Variants in UBE2U observed in about 807,000 individuals in gnomAD.
UBE2U encodes the protein ubiquitin-conjugating enzyme E2 U.
Under a neutral mutation model 41.2 loss-of-function variants are expected in UBE2U, and 39 were observed. The observed-to-expected ratio is 0.95, with a 90% CI of 0.73 to 1.24. UBE2U has a LOEUF of 1.24. Ranked by LOEUF, UBE2U falls within the 50% of genes most tolerant of loss-of-function variation. The pLI is 0.00. For synonymous variants in UBE2U, 107 were observed against 117.8 expected, an observed-to-expected ratio of 0.91 and a Z score of 0.60; for missense variants, 336 against 363.1, an observed-to-expected ratio of 0.93 and a Z score of 0.61.
chr1:64,221,460 C>G (rs1371534774), intron 6 of UBE2U, among the ~76,000 whole-genome samples: 2 of 152,016 alleles, frequency 1.3e-5, no homozygotes, highest in Non-Finnish European at 2.9e-5. Flanking sequence ...GTATTGTCAA[C>G]AAAATCAGCA....
chr1:64,264,367 T>A (rs574467599), intron 9 of UBE2U, among the ~76,000 whole-genome samples: 13 of 152,256 alleles, frequency 8.5e-5, no homozygotes, highest in Non-Finnish European at 1.5e-4. Flanking sequence ...TTATTACTGA[T>A]TCCAACCACC....
rs200646274 is a variant in UBE2U at position 64,264,950 on chromosome 1, CA to C, written c.770-2064del. Among the ~76,000 whole-genome samples the C allele has an allele frequency of 6.1e-5, 9 of 146,936 alleles. No individual in the cohort carries two copies. In the South Asian group the frequency reaches 6.5e-4, roughly 11 times the overall value. ...GGACAATGGGAGTGAAACCCTGCCTCAAAAAAAAAATTAAATTAAATTAAAA... is the reference window on the plus strand; with the variant it reads ...GGACAATGGGAGTGAAACCCTGCCTCAAAAAAAAATTAAATTAAATTAAAA... On this transcript the variant is annotated intron_variant, in intron 9 of 9. Transcript: ENST00000371077.
chr1:64,215,404 T>C (rs1344890388), intron 5 of UBE2U: 2 of 153,680 alleles, frequency 1.3e-5, no homozygotes, highest in African/African-American at 4.8e-5. Context: ...TGTAACTCTT[T>C]GTGAAACCAA....
chr1:64,228,211 C>T (rs1355011302), intron 6 of UBE2U, among the ~76,000 whole-genome samples: 1 of 152,044 alleles, frequency 6.6e-6, no homozygotes, highest in Admixed American at 6.5e-5. Context: ...CTTTTTAGGT[C>T]AAATTCGTGT....
In UBE2U at chr1:64,204,905, G is replaced by A. The variant is rs1351865778; in HGVS notation, c.67-734G>A. Among the ~76,000 whole-genome samples, 4 of 152,290 alleles carry A rather than the reference G, an allele frequency of 2.6e-5. No individual in the cohort carries two copies. In the South Asian group the frequency reaches 6.2e-4, roughly 24 times the overall value. ...AGGAACAATTATGGAGTCCAACAGC[G>A]AACATTCCTGGGGCATGGACCTAAC... On this transcript the variant is annotated intron_variant, in intron 1 of 9. Coordinates refer to ENST00000371077, the MANE Select transcript of UBE2U (RefSeq NM_001366232.2).
chr1:64,203,908 C>G lies in UBE2U; in HGVS notation c.-143C>G. 1.8e-6 allele frequency: 1 copy of G among 568,536 alleles called. No homozygotes were observed. The highest frequency in any genetic ancestry group is 3.0e-6 in the Non-Finnish European group (1 of 337,338). 35.2% of individuals were successfully genotyped at this position (568,536 alleles called of 1,614,324 possible). On this transcript the variant is annotated 5_prime_UTR_variant, in exon 1 of 10. In the 5' UTR this introduces an upstream ATG that the reference lacks. Transcript: ENST00000371077. ...TATCCCAACTTTAGAAGCCGCTTATCTTGGTACCGTTCTGAGGTTCTAGAA... is the reference window on the plus strand; with the variant it reads ...TATCCCAACTTTAGAAGCCGCTTATGTTGGTACCGTTCTGAGGTTCTAGAA...
Position 64,214,863 on chromosome 1 carries a change from G to A in UBE2U, c.388G>A (p.Ala130Thr), listed in dbSNP as rs1403757606. ...VLENPVNLEA[A>T]RILVKDESLY... Reference sequence around the variant, plus strand: ...AGAGAATCCAGTGAATTTGGAAGCAGCCAGAATACTGGTTAAAGATGAATC... The same window carrying A: ...AGAGAATCCAGTGAATTTGGAAGCAACCAGAATACTGGTTAAAGATGAATC... Residue 130 changes from alanine to threonine, a missense_variant, in exon 5 of 10, where the codon GCC (alanine) becomes ACC (threonine). By Grantham distance (58) the Ala-to-Thr change is moderately conservative. Coordinates refer to ENST00000371077, the MANE Select transcript of UBE2U (RefSeq NM_001366232.2). The A allele has an allele frequency of 6.2e-6, 10 of 1,614,190 alleles. No individual in the cohort carries two copies. The highest frequency in any genetic ancestry group is 3.3e-5 in the South Asian group (3 of 91,082).
chr1:64,238,915 G>C (rs183114573), intron 7 of UBE2U, among the ~76,000 whole-genome samples: 1 of 151,616 alleles, frequency 6.6e-6, no homozygotes, highest in South Asian at 2.1e-4. Context: ...GGTGGCATGT[G>C]CCTATAGTCC....
rs1233713838 is a variant in UBE2U, at chr1:64,220,992, A to G, written c.506+85A>G. 4.5e-6 allele frequency: 4 copies of G among 897,292 alleles called. No individual in the cohort carries two copies. In the African/African-American group the frequency reaches 5.3e-5, roughly 12 times the overall value. The allele number at this position is 897,292 out of a possible 1,614,324, so 55.6% of individuals were successfully genotyped here. A position where few individuals can be genotyped will look rare whatever the true frequency, so the allele number is the denominator to read the frequency against. ...ACTCTTTATGTTTTTCATCATAATT[A>G]AATGTTTGTTTTTAATTTAGAAACA... is the stretch of plus-strand genomic sequence containing the variant. On this transcript the variant is annotated intron_variant, in intron 6 of 9. Coordinates refer to ENST00000371077, the MANE Select transcript of UBE2U (RefSeq NM_001366232.2).
At chr1:64,204,790 A>G (rs1401518426) in intron 1 of UBE2U, among the ~76,000 whole-genome samples, 3 of 152,226 alleles carry the variant, frequency 2.0e-5, no homozygotes, top group Admixed American at 2.0e-4. Flanking sequence ...AAAGGTATAG[A>G]GTGCTTCCCA....
At chr1:64,249,959 A>T (rs1301664987) in intron 8 of UBE2U, among the ~76,000 whole-genome samples, 1 of 152,158 alleles carries the variant, frequency 6.6e-6, no homozygotes, top group African/African-American at 2.4e-5. Flanking sequence ...ATACCAAAGC[A>T]CATCATAATC....
chr1:64,258,127 CT>C (rs1254478649), intron 8 of UBE2U, among the ~76,000 whole-genome samples: 4 of 152,156 alleles, frequency 2.6e-5, no homozygotes, highest in African/African-American at 9.7e-5. Context: ...TGTATCACTA[CT>C]GATTTATCTT....
At position 64,219,548 on chromosome 1, in the gene UBE2U, T is replaced by C. The variant is rs80275569; in HGVS notation, c.458-1311T>C. Among the ~76,000 whole-genome samples the C allele has an allele frequency of 9.8e-4, 149 of 152,078 alleles. 3 individuals carry two copies. The East Asian group carries it at 0.028, about 29-fold the overall frequency. ...TCCCTATTGACTCTTCTAGATCTGC[T>C]CTGATTTGAATGTTGGGTCTATTGA... On this transcript the variant is annotated intron_variant, in intron 5 of 9. Coordinates refer to ENST00000371077, the MANE Select transcript of UBE2U (RefSeq NM_001366232.2).
At chr1:64,221,206 G>A (rs373255827) in intron 6 of UBE2U, among the ~76,000 whole-genome samples, 3 of 152,026 alleles carry the variant, frequency 2.0e-5, no homozygotes, top group South Asian at 2.1e-4. Context: ...CAGCCTCCAC[G>A]GTTCAAGCGA....
chr1:64,243,735 T>C (rs112272031), intron 8 of UBE2U, among the ~76,000 whole-genome samples: 1 of 152,166 alleles, frequency 6.6e-6, no homozygotes, highest in Non-Finnish European at 1.5e-5. Context: ...CACTATTATT[T>C]GGGGACCTAA....
chr1:64,265,528 A>T (rs1056003713), intron 9 of UBE2U, among the ~76,000 whole-genome samples: 1 of 152,210 alleles, frequency 6.6e-6, no homozygotes, highest in African/African-American at 2.4e-5. Context: ...GCCTCAGGAT[A>T]ACCATAGGAT....
At chr1:64,244,071 T>TTGGC (rs1644879411) in intron 8 of UBE2U, 1 of 1,236,192 alleles carries the variant, frequency 8.1e-7, no homozygotes, top group African/African-American at 1.5e-5. Flanking sequence ...CAAGCACTCA[T>TTGGC]AAAGTTCGCT....
chr1:64,238,998 T>C (rs1016943687), intron 7 of UBE2U, among the ~76,000 whole-genome samples: 1 of 149,708 alleles, frequency 6.7e-6, no homozygotes, highest in African/African-American at 2.5e-5. Flanking sequence ...GCGATGATCA[T>C]GCCACTGCAC....
chr1:64,240,023 C>T (rs1243243082), intron 7 of UBE2U, among the ~76,000 whole-genome samples: 5 of 152,176 alleles, frequency 3.3e-5, no homozygotes, highest in African/African-American at 1.2e-4. Flanking sequence ...ACATCCTCTC[C>T]AGCACCTGTT....
Sources: gnomAD v4.1 joint callset for allele counts (sites outside exome capture counted in the v4.1 genomes callset) on GRCh38, gnomAD v4.1.1 for gene constraint, MANE v1.5 for transcripts, NCBI Gene and HGNC (gene_info 2026-07-23, HGNC 2026-07-21) for gene names.